Variants in GRTP1 observed in about 807,000 individuals in gnomAD.
GRTP1 encodes growth hormone-regulated TBC protein 1.
A neutral mutation model predicts 38.1 loss-of-function variants in GRTP1; 56 were observed. The observed-to-expected ratio is 1.47, with a 90% CI of 1.19 to 1.84. The LOEUF (loss-of-function observed/expected upper bound fraction) is 1.84, where lower values mean the gene tolerates loss of function less well. GRTP1 is among the 40% of genes most tolerant of loss of function. The pLI is 0.00. For missense variants in GRTP1, 506 were observed against 453.9 expected, an observed-to-expected ratio of 1.11 and a Z score of -1.04; for synonymous variants, 217 against 189.5, an observed-to-expected ratio of 1.14 and a Z score of -1.19.
At chr13:113,353,682 G>A (rs1312217083) in intron 3 of GRTP1, among the ~76,000 whole-genome samples, 6 of 152,178 alleles carry the variant, frequency 3.9e-5, no homozygotes, top group Non-Finnish European at 8.8e-5. Context: ...GTGAGGACAT[G>A]GGGTTCAGTG....
intron 2 of GRTP1, 28 bp from the exon 3 acceptor site, chr13:113,355,509 T>C (rs761509987): frequency 6.3e-7 from 1 of 1,586,788 alleles, no homozygotes; most frequent in South Asian, 1.1e-5. Context: ...GGACAGCGTG[T>C]GAGCTGGACC....
At chr13:113,333,838 A>ATTTATTTAGTGTGTGTGT (rs749095615) in intron 5 of GRTP1, among the ~76,000 whole-genome samples, 1 of 23,546 alleles carries the variant, frequency 4.2e-5, no homozygotes, top group Non-Finnish European at 1.8e-4. Flanking sequence ...TTATTTATTT[A>ATTTATTTAGTGTGTGTGT]GTGTGTGTGT....
At position 113,346,346 on chromosome 13, in the gene GRTP1, G is replaced by A. The variant is rs867183957; in HGVS notation, c.466-1387C>T. On this transcript the variant is annotated intron_variant, in intron 4 of 7. Transcript: ENST00000375431. ...CCCGGGAGGACCTCTGTGGCCGAGA[G>A]CGGACCCAGGAGGACCTCTGTGGCT... 3.0e-4 allele frequency among the ~76,000 whole-genome samples: 7 copies of A among 23,570 alleles called. 1 individual carries two copies. The highest frequency in any genetic ancestry group is 1.1e-3 in the Admixed American group (2 of 1,854). 15.5% of individuals were successfully genotyped at this position (23,570 alleles called of 152,430 possible).
Position 113,353,654 on chromosome 13 carries a change from G to A in GRTP1, c.340+1669C>T, listed in dbSNP as rs572278889. ...GATGGCACAGAGACAAGCGCACAGC[G>A]GGATTGCCAGGGGCTGGGTGAGGAC... On this transcript the variant is annotated intron_variant, in intron 3 of 7. Transcript: ENST00000375431. 2.6e-5 allele frequency among the ~76,000 whole-genome samples: 4 copies of A among 152,302 alleles called. No homozygotes were observed. In the South Asian group the frequency reaches 8.3e-4, roughly 32 times the overall value.
rs3168760 is a variant in GRTP1, at chr13:113,324,375, T to C, written c.*113A>G. ...TAAAAAATTCACAACTAAAGTGTAG[T>C]GATGTCAAGTATTTACAACACTAAA... On this transcript the variant is annotated 3_prime_UTR_variant, in exon 8 of 8. Coordinates refer to ENST00000375431, the MANE Select transcript of GRTP1 (RefSeq NM_024719.4). 0.033 allele frequency: 44,893 copies of C among 1,364,328 alleles called. 8,945 individuals are homozygous for C. The African/African-American group carries it at 0.49, about 15-fold the overall frequency. The allele number at this position is 1,364,328 out of a possible 1,614,324, so 84.5% of individuals were successfully genotyped here. A position where few individuals can be genotyped will look rare whatever the true frequency, so the allele number is the denominator to read the frequency against.
rs1463339883 is a variant in GRTP1 at position 113,330,750 on chromosome 13, G to A, written c.563-4659C>T. ...TGGAAACCCAGGTGTGTGCATGGGA[G>A]CCCAGGTGTGTGCGTGGAAACTCAG... On this transcript the variant is annotated intron_variant, in intron 5 of 7. Coordinates refer to ENST00000375431, the MANE Select transcript of GRTP1 (RefSeq NM_024719.4). Among the ~76,000 whole-genome samples the A allele has an allele frequency of 1.0e-3, 15 of 14,616 alleles. 7 individuals carry two copies. Among genetic ancestry groups the A allele is most frequent in the South Asian group, 8.8e-3 (2 of 226 alleles). The allele number at this position is 14,616 out of a possible 152,430, so 9.6% of individuals were successfully genotyped here.
chr13:113,335,788 G>A (rs1371039127), intron 5 of GRTP1, among the ~76,000 whole-genome samples: 1 of 151,404 alleles, frequency 6.6e-6, no homozygotes, highest in African/African-American at 2.4e-5. Flanking sequence ...CTGAAATGAC[G>A]GGATTTTTTT....
Position 113,324,539 on chromosome 13 carries a change from G to A in GRTP1, c.960C>T (p.Thr320=), listed in dbSNP as rs370946714. Reference sequence around the variant, plus strand: ...TGCAGCTCTCGCGGAGCTTGGCGACGGTGGCCATGGATAAGCTTCCAGGTT... The same window carrying A: ...TGCAGCTCTCGCGGAGCTTGGCGACAGTGGCCATGGATAAGCTTCCAGGTT... ...FSEPGSLSMA[T]VAKLRESCRA... The change falls in exon 8 of 8, where the codon ACC becomes ACT. Residue 320 remains threonine (T), a synonymous_variant. Transcript: ENST00000375431. 38 of 1,611,734 alleles carry A rather than the reference G, an allele frequency of 2.4e-5. No homozygotes were observed. Among genetic ancestry groups the A allele is most frequent in the Middle Eastern group, 1.7e-4 (1 of 6,044 alleles).
At chr13:113,334,282 A>ACTGCTACGAAC (rs55801264) in intron 5 of GRTP1, among the ~76,000 whole-genome samples, 1 of 144,936 alleles carries the variant, frequency 6.9e-6, no homozygotes, top group Non-Finnish European at 1.5e-5. Context: ...CTGCCACGAC[A>ACTGCTACGAAC]GCCTCCCGCC....
chr13:113,362,783 T>C (rs191683878), intron 2 of GRTP1, among the ~76,000 whole-genome samples: 20 of 152,176 alleles, frequency 1.3e-4, no homozygotes, highest in Middle Eastern at 3.4e-3. Flanking sequence ...ACCAGGTCCC[T>C]ACTGCTCGGT....
chr13:113,339,390 ACT>A (rs2042997490), intron 5 of GRTP1: 1 of 152,176 alleles, frequency 6.6e-6, no homozygotes, highest in Admixed American at 6.5e-5. Context: ...TGCCTTTTAT[ACT>A]TTTTGAATTA....
intron 5 of GRTP1, 94 bp downstream of exon 5, chr13:113,344,769 C>A: frequency 1.2e-6 from 1 of 837,820 alleles, no homozygotes; most frequent in East Asian, 3.3e-5. Context: ...ACAATTCAAC[C>A]ATGTTTTAAT....
At position 113,346,077 on chromosome 13, in the gene GRTP1, AG is replaced by A. The variant is rs1240362488; in HGVS notation, c.466-1119del. Among the ~76,000 whole-genome samples, 260 of 97,564 alleles carry A rather than the reference AG, an allele frequency of 2.7e-3. 58 individuals are homozygous for A. The highest frequency in any genetic ancestry group is 4.0e-3 in the Admixed American group (38 of 9,592). 64.0% of individuals were successfully genotyped at this position (97,564 alleles called of 152,430 possible). On this transcript the variant is annotated intron_variant, in intron 4 of 7. Transcript: ENST00000375431. ...AGACCCGGGAGGACCTCTGCGGCTGAGCAGACCTGGGAAGACATCTGTGGCC... is the reference window on the plus strand; with the variant it reads ...AGACCCGGGAGGACCTCTGCGGCTGACAGACCTGGGAAGACATCTGTGGCC...
chr13:113,357,905 G>A (rs757899041), intron 2 of GRTP1, among the ~76,000 whole-genome samples: 11 of 152,194 alleles, frequency 7.2e-5, no homozygotes, highest in South Asian at 2.1e-4. Context: ...GCGGCCTGGC[G>A]TGGTGGTTCA....
intron 7 of GRTP1, chr13:113,325,390 C>T: frequency 1.4e-6 from 2 of 1,432,482 alleles, no homozygotes; most frequent in East Asian, 2.5e-5. Context: ...AGCCACACTT[C>T]TGGCACCACA....
At chr13:113,346,071 C>CCTGACAGTGGACCCGGGAGTACCTCTGT (rs1566429006) in intron 4 of GRTP1, among the ~76,000 whole-genome samples, 1 of 8,932 alleles carries the variant, frequency 1.1e-4, no homozygotes, top group African/African-American at 3.8e-4. Flanking sequence ...AGGACCTCTG[C>CCTGACAGTGGACCCGGGAGTACCTCTGT]GGCTGAGCAG....
chr13:113,329,576 T>C (rs1046638422), intron 5 of GRTP1, among the ~76,000 whole-genome samples: 1 of 151,954 alleles, frequency 6.6e-6, no homozygotes, highest in Non-Finnish European at 1.5e-5. Flanking sequence ...AGAGTGAAAC[T>C]CCATCTCAAA....
rs926680722 is a variant in GRTP1, at chr13:113,345,975, G to C, written c.466-1016C>G. Among the ~76,000 whole-genome samples the C allele has an allele frequency of 2.5e-4, 38 of 152,030 alleles. No homozygotes were observed. The South Asian group carries it at 7.6e-3, about 30-fold the overall frequency. On this transcript the variant is annotated intron_variant, in intron 4 of 7. Coordinates refer to ENST00000375431, the MANE Select transcript of GRTP1 (RefSeq NM_024719.4). ...CTGTGGCCAAAAGCAGACCCAGGAG[G>C]ACTTTTGTGGCCGAGAGTGGACCCG... is the stretch of plus-strand genomic sequence containing the variant.
chr13:113,358,909 T>C (rs1595515907), intron 2 of GRTP1, among the ~76,000 whole-genome samples: 1 of 152,346 alleles, frequency 6.6e-6, no homozygotes, highest in East Asian at 1.9e-4. Flanking sequence ...AGCAATCCCA[T>C]GCGGTGTTTA....
Sources: gnomAD v4.1 joint callset for allele counts (sites outside exome capture counted in the v4.1 genomes callset) on GRCh38, gnomAD v4.1.1 for gene constraint, MANE v1.5 for transcripts, NCBI Gene and HGNC (gene_info 2026-07-23, HGNC 2026-07-21) for gene names.